FAM3B: variants seen among roughly 807,000 people sequenced by gnomAD.
The protein encoded by FAM3B is FAM3 metabolism regulating signaling molecule B.
A neutral mutation model predicts 28.4 loss-of-function variants in FAM3B; 29 were observed. That is an observed-to-expected ratio of 1.02 (90% CI 0.76 to 1.39). FAM3B has a LOEUF of 1.39. FAM3B is among the 40% of genes most tolerant of loss of function. The pLI is 0.00. For missense variants in FAM3B, 266 were observed against 293.9 expected (o/e 0.91, Z 0.69); for synonymous variants, 91 against 103.0 (o/e 0.88, Z 0.71).
intron 1 of FAM3B, among the ~76,000 whole-genome samples, chr21:41,311,251 A>AAAAAATAT (rs1555866518): frequency 2.0e-4 from 7 of 35,076 alleles, no homozygotes; most frequent in Non-Finnish European, 2.8e-4. Flanking sequence ...AAAAAAAAAA[A>AAAAAATAT]ATATATATAT....
In FAM3B at chr21:41,345,702, G is replaced by T; in HGVS notation, c.363G>T (p.Val121=). The change falls in exon 5 of 8, where the codon GTG becomes GTT. Residue 121 remains valine, a synonymous_variant. Coordinates refer to ENST00000357985, the MANE Select transcript of FAM3B (RefSeq NM_058186.4). ...TATTTTCAGATGTAACTGGGAATGTGACAGCAACACGATGTTTTGATATGT... is the reference window on the plus strand; with the variant it reads ...TATTTTCAGATGTAACTGGGAATGTTACAGCAACACGATGTTTTGATATGT... The part of the protein sequence containing the change: ...IAIVNYVTGN[V]TATRCFDMYE... 6.5e-7 allele frequency: 1 copy of T among 1,545,482 alleles called. No individual in the cohort carries two copies. Among genetic ancestry groups the T allele is most frequent in the South Asian group, 1.2e-5 (1 of 80,418 alleles).
Position 41,357,636 on chromosome 21 carries a change from G to A in FAM3B, c.*439G>A, listed in dbSNP as rs1367059464. ...GGGAGAATTAGCAGCAGTTCAGGGG[G>A]CTTATGTTATGTCCTTGTTCAACTC... On this transcript the variant is annotated 3_prime_UTR_variant, in exon 8 of 8. Coordinates refer to ENST00000357985, the MANE Select transcript of FAM3B (RefSeq NM_058186.4). 1.3e-5 allele frequency among the ~76,000 whole-genome samples: 2 copies of A among 152,158 alleles called. No homozygotes were observed. Among genetic ancestry groups the A allele is most frequent in the East Asian group, 1.9e-4 (1 of 5,192 alleles).
chr21:41,334,810 G>A (rs1470340012), intron 2 of FAM3B, among the ~76,000 whole-genome samples: 2 of 152,200 alleles, frequency 1.3e-5, no homozygotes, highest in Non-Finnish European at 2.9e-5. Context: ...CCCTCAGCAT[G>A]GAAAAGCCAC....
At chr21:41,345,497 T>G (rs1372397407) in intron 4 of FAM3B, among the ~76,000 whole-genome samples, 189 bp from the exon 5 acceptor site, 2 of 152,132 alleles carry the variant, frequency 1.3e-5, no homozygotes, top group African/African-American at 4.8e-5. Context: ...CTTCCAGCAC[T>G]TTCCTTTGAC....
chr21:41,334,615 A>G (rs2088936652), intron 2 of FAM3B, among the ~76,000 whole-genome samples: 1 of 152,164 alleles, frequency 6.6e-6, no homozygotes, highest in South Asian at 2.1e-4. Context: ...CAGAGACTAT[A>G]TGGGAAATCC....
chr21:41,346,625 C>T (rs1157352083), intron 5 of FAM3B, among the ~76,000 whole-genome samples: 1 of 151,958 alleles, frequency 6.6e-6, no homozygotes, highest in Non-Finnish European at 1.5e-5. Context: ...TCCACCTGTG[C>T]CACACAGGCT....
intron 2 of FAM3B, among the ~76,000 whole-genome samples, chr21:41,328,516 T>G (rs545818558): frequency 1.3e-5 from 2 of 152,092 alleles, no homozygotes; most frequent in South Asian, 4.1e-4. Flanking sequence ...AAAAAAACAT[T>G]AAGTTAATTA....
Position 41,357,384 on chromosome 21 carries a change from G to A in FAM3B, c.*187G>A, listed in dbSNP as rs191346748. The A allele has an allele frequency of 4.8e-6, 2 of 417,070 alleles. No individual in the cohort carries two copies. Among genetic ancestry groups the A allele is most frequent in the East Asian group, 8.4e-5 (2 of 23,854 alleles). The allele number at this position is 417,070 out of a possible 1,614,324, so 25.8% of individuals were successfully genotyped here. On this transcript the variant is annotated 3_prime_UTR_variant, in exon 8 of 8. Transcript: ENST00000357985. Reference sequence around the variant, plus strand: ...TATTTTTATACCAGTATTTTATGTAGTGAAGATGTCAATTAGCAGGAAACT... The same window carrying A: ...TATTTTTATACCAGTATTTTATGTAATGAAGATGTCAATTAGCAGGAAACT...
At chr21:41,323,588 A>T (rs2088829733) in intron 2 of FAM3B, among the ~76,000 whole-genome samples, 1 of 152,190 alleles carries the variant, frequency 6.6e-6, no homozygotes, top group Admixed American at 6.5e-5. Flanking sequence ...CCCCACAATC[A>T]AGGTGGGTTT....
chr21:41,345,533 G>T (rs948489388), intron 4 of FAM3B, among the ~76,000 whole-genome samples, 153 bp from the exon 5 acceptor site: 2 of 152,140 alleles, frequency 1.3e-5, no homozygotes, highest in African/African-American at 4.8e-5. Flanking sequence ...CTCCTCAAGG[G>T]GCCCGCCCTG....
At position 41,326,677 on chromosome 21, in the gene FAM3B, A is replaced by G. The variant is rs917666773; in HGVS notation, c.163+3611A>G. On this transcript the variant is annotated intron_variant, in intron 2 of 7. Coordinates refer to ENST00000357985, the MANE Select transcript of FAM3B (RefSeq NM_058186.4). This position sits in a 1 kb window ranked among gnomAD's most constrained non-coding sequence, Gnocchi z 4.0. ...GGAAGTCCCTGGGGAGAGCATCCCT[A>G]TGGGACCCCCACAATGGCCCCGCTG... Among the ~76,000 whole-genome samples, 4 of 152,172 alleles carry G rather than the reference A, an allele frequency of 2.6e-5. No homozygotes were observed. Among genetic ancestry groups the G allele is most frequent in the African/African-American group, 9.7e-5 (4 of 41,432 alleles).
intron 2 of FAM3B, among the ~76,000 whole-genome samples, chr21:41,334,814 A>G (rs1377197707): frequency 6.6e-6 from 1 of 152,218 alleles, no homozygotes; most frequent in Non-Finnish European, 1.5e-5. Context: ...CAGCATGGAA[A>G]AGCCACAGAA....
chr21:41,341,308 A>C lies in FAM3B; in HGVS notation c.287+2807A>C, dbSNP rs182076692. On this transcript the variant is annotated intron_variant, in intron 3 of 7. Transcript: ENST00000357985. Reference sequence around the variant, plus strand: ...TGGTATTACCAGTAATGCTGCAATAAATAACCTTATGAATATATCATTTTG... The same window carrying C: ...TGGTATTACCAGTAATGCTGCAATACATAACCTTATGAATATATCATTTTG... Among the ~76,000 whole-genome samples, 40 of 152,362 alleles carry C rather than the reference A, an allele frequency of 2.6e-4. 1 individual carries two copies. In the South Asian group the frequency reaches 8.1e-3, roughly 31 times the overall value.
At chr21:41,337,329 C>T (rs570620466) in intron 2 of FAM3B, among the ~76,000 whole-genome samples, 43 of 152,288 alleles carry the variant, frequency 2.8e-4, no homozygotes, top group Admixed American at 1.7e-3. Context: ...TAGACAACTA[C>T]TCGGGGATCT....
At chr21:41,345,928 A>G (rs2089054754) in intron 5 of FAM3B, 192 bp downstream of exon 5, 3 of 517,538 alleles carry the variant, frequency 5.8e-6, no homozygotes, top group Non-Finnish European at 1.0e-5. Flanking sequence ...ATTTGAAGGC[A>G]TCATCTAGAA....
At chr21:41,345,838 G>T in intron 5 of FAM3B, 102 bp downstream of exon 5, 1 of 748,062 alleles carries the variant, frequency 1.3e-6, no homozygotes. Context: ...TTGTCTACTA[G>T]AAAAACGCCA....
chr21:41,321,134 C>T (rs368724086), intron 1 of FAM3B, among the ~76,000 whole-genome samples: 9 of 152,186 alleles, frequency 5.9e-5, no homozygotes, highest in East Asian at 3.8e-4. Context: ...AGTCCAGCTA[C>T]GACCCACATG....
chr21:41,345,471 G>A (rs2089048543), intron 4 of FAM3B, among the ~76,000 whole-genome samples: 1 of 152,166 alleles, frequency 6.6e-6, no homozygotes, highest in Admixed American at 6.5e-5. Flanking sequence ...CAAACTGGAA[G>A]AAAGTTCTAG....
At chr21:41,346,175 T>A (rs1326897796) in intron 5 of FAM3B, 1 of 158,118 alleles carries the variant, frequency 6.3e-6, no homozygotes, top group Admixed American at 6.5e-5. Context: ...AACCCACGGG[T>A]GCCCAGTCTT....
Sources: gnomAD v4.1 joint callset for allele counts (sites outside exome capture counted in the v4.1 genomes callset) on GRCh38, gnomAD v4.1.1 for gene constraint, Gnocchi (gnomAD v3.1) non-coding constraint, MANE v1.5 for transcripts, NCBI Gene and HGNC (gene_info 2026-07-23, HGNC 2026-07-21) for gene names.